UNC13C: variants seen among roughly 807,000 people sequenced by gnomAD.
UNC13C encodes unc-13 homolog C, also known as protein unc-13 homolog C.
A neutral mutation model predicts 245.4 loss-of-function variants in UNC13C; 174 were observed. That is an observed-to-expected ratio of 0.71 (90% CI 0.63 to 0.80). The LOEUF is 0.80. UNC13C is among the 30% of genes least tolerant of loss of function. The probability of loss-of-function intolerance (pLI) is 0.00; values close to 1 mark genes in which losing one functional copy is unlikely to be tolerated. For synonymous variants in UNC13C, 992 were observed against 895.1 expected, an observed-to-expected ratio of 1.11 and a Z score of -1.93; for missense variants, 2,829 against 2,602.9, an observed-to-expected ratio of 1.09 and a Z score of -1.89.
At chr15:54,031,445 A>C (rs1044280379) in intron 2 of UNC13C, among the ~76,000 whole-genome samples, 12 of 152,172 alleles carry the variant, frequency 7.9e-5, no homozygotes, top group African/African-American at 2.9e-4. Context: ...GGATGGTCTC[A>C]ATCTCCTGAC....
chr15:54,123,845 C>T (rs1030926174), intron 2 of UNC13C, among the ~76,000 whole-genome samples: 2 of 152,098 alleles, frequency 1.3e-5, no homozygotes, highest in Non-Finnish European at 2.9e-5. Flanking sequence ...TATAATCACT[C>T]GCACTATTCT....
chr15:54,498,280 C>A (rs1894044852), intron 20 of UNC13C, among the ~76,000 whole-genome samples: 1 of 151,880 alleles, frequency 6.6e-6, no homozygotes, highest in South Asian at 2.1e-4. Flanking sequence ...AATAGACTGC[C>A]TCCTGAGCCA....
intron 32 of UNC13C, among the ~76,000 whole-genome samples, chr15:54,625,424 G>C (rs922137055): frequency 6.6e-6 from 1 of 152,074 alleles, no homozygotes; most frequent in Non-Finnish European, 1.5e-5. Flanking sequence ...TAAGTTTTTG[G>C]CATGAGGAGT....
intron 2 of UNC13C, among the ~76,000 whole-genome samples, chr15:54,088,201 CTT>C (rs59075201): frequency 5.3e-4 from 55 of 103,912 alleles, no homozygotes; most frequent in East Asian, 1.7e-3. Flanking sequence ...CTTCCTTTTC[CTT>C]TTTTTTTTTT....
At chr15:53,871,823 C>T in the UNC13C span, among the ~76,000 whole-genome samples, 11 of 152,162 alleles carry the variant, frequency 7.2e-5, no homozygotes, top group Non-Finnish European at 1.2e-4. Context: ...TCAAGCCTGA[C>T]GCCAGTGGAA....
intron 20 of UNC13C, among the ~76,000 whole-genome samples, chr15:54,497,747 T>C (rs1229094618): frequency 6.6e-6 from 1 of 152,092 alleles, no homozygotes; most frequent in African/African-American, 2.4e-5. Context: ...ATAGCATAGA[T>C]TAGTTTTATA....
At chr15:54,470,256 C>G (rs1892389542) in intron 19 of UNC13C, among the ~76,000 whole-genome samples, 1 of 151,464 alleles carries the variant, frequency 6.6e-6, no homozygotes, top group South Asian at 2.1e-4. Flanking sequence ...TAATGCTAGA[C>G]TATGAAATGT....
the UNC13C span, among the ~76,000 whole-genome samples, chr15:53,926,195 C>A: frequency 6.6e-6 from 1 of 151,372 alleles, no homozygotes; most frequent in Non-Finnish European, 1.5e-5. Flanking sequence ...GTGTAGGGAG[C>A]AGAATCATTA....
At chr15:53,927,577 A>G in the UNC13C span, among the ~76,000 whole-genome samples, 1 of 152,170 alleles carries the variant, frequency 6.6e-6, no homozygotes, top group African/African-American at 2.4e-5. Flanking sequence ...GGGAGGAGAA[A>G]TGTCATGTGG....
At chr15:53,934,532 T>G in the UNC13C span, among the ~76,000 whole-genome samples, 761 of 152,320 alleles carry the variant, frequency 5.0e-3, 6 homozygotes, top group South Asian at 7.0e-3. Context: ...CAAGCAAAGC[T>G]ACCAATTAAA....
chr15:54,243,178 C>T (rs1033446237), intron 7 of UNC13C, among the ~76,000 whole-genome samples: 12 of 150,470 alleles, frequency 8.0e-5, no homozygotes, highest in Admixed American at 6.6e-5. Flanking sequence ...TATTCCCCGC[C>T]GCATGTCCAC....
At chr15:54,060,150 C>A (rs1595788040) in intron 2 of UNC13C, among the ~76,000 whole-genome samples, 1 of 15,504 alleles carries the variant, frequency 6.4e-5, no homozygotes, top group Admixed American at 3.4e-4. Flanking sequence ...TTCTGCACAG[C>A]AAAAGAAACC....
chr15:54,426,451 T>A (rs2040761526), intron 19 of UNC13C, among the ~76,000 whole-genome samples: 1 of 150,526 alleles, frequency 6.6e-6, no homozygotes, highest in Non-Finnish European at 1.5e-5. Context: ...CATGGTGCCT[T>A]GCTTTATCAA....
chr15:53,981,024 G>A (rs1256139516), intron 1 of UNC13C, among the ~76,000 whole-genome samples: 1 of 152,134 alleles, frequency 6.6e-6, no homozygotes, highest in African/African-American at 2.4e-5. Flanking sequence ...AGGTGGGGTT[G>A]GGAGGAAGGT....
chr15:53,987,428 G>A (rs1478763923), intron 1 of UNC13C, among the ~76,000 whole-genome samples: 1 of 152,002 alleles, frequency 6.6e-6, no homozygotes, highest in East Asian at 1.9e-4. Flanking sequence ...AAAAGAGATT[G>A]CAGTGACACA....
intron 30 of UNC13C, among the ~76,000 whole-genome samples, chr15:54,605,920 A>G (rs888064112): frequency 6.6e-6 from 1 of 152,310 alleles, no homozygotes; most frequent in Non-Finnish European, 1.5e-5. Context: ...AAACAGGGAA[A>G]ATAAACTAGA....
At chr15:54,181,683 G>A (rs1201234806) in intron 4 of UNC13C, among the ~76,000 whole-genome samples, 1 of 151,696 alleles carries the variant, frequency 6.6e-6, no homozygotes. Flanking sequence ...TATAGAGCAT[G>A]GTATGTTTTC....
At chr15:54,186,085 G>A (rs1434366357) in intron 4 of UNC13C, among the ~76,000 whole-genome samples, 1 of 151,722 alleles carries the variant, frequency 6.6e-6, no homozygotes, top group African/African-American at 2.4e-5. Context: ...TGTTATTGGT[G>A]TATAAGAATG....
At chr15:54,097,341 G>A (rs1899920820) in intron 2 of UNC13C, among the ~76,000 whole-genome samples, 1 of 152,106 alleles carries the variant, frequency 6.6e-6, no homozygotes, top group Non-Finnish European at 1.5e-5. Flanking sequence ...ACTTGTCTCA[G>A]AGGTTTTTTT....
Sources: gnomAD v4.1 joint callset for allele counts (sites outside exome capture counted in the v4.1 genomes callset) on GRCh38, gnomAD v4.1.1 for gene constraint, MANE v1.5 for transcripts, NCBI Gene and HGNC (gene_info 2026-07-23, HGNC 2026-07-21) for gene names.